The following NOP53 variants were observed in gnomAD, a reference collection of about 807,000 sequenced individuals.
The protein encoded by NOP53 is ribosome biogenesis protein NOP53.
A neutral mutation model predicts 61.0 loss-of-function variants in NOP53; 40 were observed. That is an observed-to-expected ratio of 0.66 (90% CI 0.51 to 0.85). The LOEUF (loss-of-function observed/expected upper bound fraction) is 0.85, where lower values mean the gene tolerates loss of function less well. NOP53 is among the 40% of genes least tolerant of loss of function. NOP53 has a pLI of 0.00. For missense variants in NOP53, 689 were observed against 652.9 expected (o/e 1.06, Z -0.60); for synonymous variants, 308 against 289.5 (o/e 1.06, Z -0.65).
chr19:47,756,973 C>T lies in NOP53; in HGVS notation c.1431-26C>T, dbSNP rs1433734558. 3.7e-6 allele frequency: 6 copies of T among 1,614,008 alleles called. No individual in the cohort carries two copies. The South Asian group carries it at 4.4e-5, about 12-fold the overall frequency. On this transcript the variant is annotated intron_variant, in intron 12 of 12. Coordinates refer to ENST00000246802, the MANE Select transcript of NOP53 (RefSeq NM_015710.5). ...GGGTATGGGGCACCCTCTCACCCAC[C>T]CTCAGCTCCTTTCCTCTGTCCCCAG...
In NOP53 at chr19:47,756,695, C is replaced by A. The variant is rs764039740; in HGVS notation, c.1381C>A (p.Arg461Ser). The change falls in exon 12 of 13, where the codon CGC (arginine) becomes AGC (serine). Residue 461 changes from arginine to serine, a missense_variant. Coordinates refer to ENST00000246802, the MANE Select transcript of NOP53 (RefSeq NM_015710.5). ...CCATTGTCCCTGCTCCAGGTTCAAA[C>A]GCAAGTACAAGGTGAAGCTGGTGGA... ...IEPRERAKFKRKYKVKLVEKR... is the reference protein window; with the variant it reads ...IEPRERAKFKSKYKVKLVEKR... 1 of 1,613,912 alleles carries A rather than the reference C, an allele frequency of 6.2e-7. No individual in the cohort carries two copies. Among genetic ancestry groups the A allele is most frequent in the Non-Finnish European group, 8.5e-7 (1 of 1,180,006 alleles).
intron 2 of NOP53, among the ~76,000 whole-genome samples, chr19:47,748,386 A>G (rs926117921): frequency 6.6e-6 from 1 of 152,098 alleles, no homozygotes; most frequent in African/African-American, 2.4e-5. Flanking sequence ...GTTTACTTCA[A>G]TATGTAGAAA....
In NOP53 at chr19:47,755,374, C is replaced by G. The variant is rs766255126; in HGVS notation, c.1080C>G (p.Ala360=). The G allele has an allele frequency of 2.0e-6, 3 of 1,520,324 alleles. No individual in the cohort carries two copies. Among genetic ancestry groups the G allele is most frequent in the Non-Finnish European group, 2.6e-6 (3 of 1,140,184 alleles). The allele number at this position is 1,520,324 out of a possible 1,614,324, so 94.2% of individuals were successfully genotyped here. A position where few individuals can be genotyped will look rare whatever the true frequency, so the allele number is the denominator to read the frequency against. Residue 360 remains alanine (A), a synonymous_variant, in exon 9 of 13, where the codon GCC becomes GCG. Transcript: ENST00000246802. Reference sequence around the variant, plus strand: ...GGGTACAGCAGGCCGCGTTGCGGGCCGCCCGGCTCCGGCACCAGGAGCTGT... The same window carrying G: ...GGGTACAGCAGGCCGCGTTGCGGGCGGCCCGGCTCCGGCACCAGGAGCTGT... The part of the protein sequence containing the change: ...RLRVQQAALR[A]ARLRHQELFR...
Position 47,756,339 on chromosome 19 carries a change from G to A in NOP53, c.1297-189G>A, listed in dbSNP as rs192740060. ...ACTCCTCTAAGCCCAGCTTAGAGATGGCCATAGGTTGGTGGCTGTCATCCC... is the reference window on the plus strand; with the variant it reads ...ACTCCTCTAAGCCCAGCTTAGAGATAGCCATAGGTTGGTGGCTGTCATCCC... On this transcript the variant is annotated intron_variant, in intron 10 of 12. Coordinates refer to ENST00000246802, the MANE Select transcript of NOP53 (RefSeq NM_015710.5). 8.2e-5 allele frequency: 49 copies of A among 597,918 alleles called. No homozygotes were observed. The African/African-American group carries it at 8.3e-4, about 10-fold the overall frequency. The allele number at this position is 597,918 out of a possible 1,614,324, so 37.0% of individuals were successfully genotyped here.
intron 9 of NOP53, 36 bp from the exon 10 acceptor site, chr19:47,755,720 G>A: frequency 6.4e-7 from 1 of 1,574,218 alleles, no homozygotes; most frequent in Non-Finnish European, 8.7e-7. Flanking sequence ...GGGCCCCGCG[G>A]GGGTGATATT....
chr19:47,751,232 A>G (rs976462804), intron 4 of NOP53, 125 bp downstream of exon 4: 8 of 918,656 alleles, frequency 8.7e-6, no homozygotes, highest in Admixed American at 2.4e-5. Context: ...GTGACCTCCC[A>G]GCAGAGTCGT....
chr19:47,754,986 G>C lies in NOP53; in HGVS notation c.1053+95G>C. 8.5e-7 allele frequency: 1 copy of C among 1,180,374 alleles called. No individual in the cohort carries two copies. The highest frequency in any genetic ancestry group is 1.1e-6 in the Non-Finnish European group (1 of 871,048). 73.1% of individuals were successfully genotyped at this position (1,180,374 alleles called of 1,614,324 possible). A position where few individuals can be genotyped will look rare whatever the true frequency, so the allele number is the denominator to read the frequency against. On this transcript the variant is annotated intron_variant, in intron 8 of 12. Transcript: ENST00000246802. This position sits in a 1 kb window ranked among gnomAD's most constrained non-coding sequence, Gnocchi z 4.2. ...CTGCCCTGGGTGCTGCGGGCAGCCTGCACACCCCAAGCCCCGCATGTGGCC... is the reference window on the plus strand; with the variant it reads ...CTGCCCTGGGTGCTGCGGGCAGCCTCCACACCCCAAGCCCCGCATGTGGCC...
At chr19:47,756,791 C>T (rs1967206781) in intron 12 of NOP53, 47 bp downstream of exon 12, 3 of 1,590,588 alleles carry the variant, frequency 1.9e-6, no homozygotes, top group Non-Finnish European at 2.6e-6. Context: ...CTTCTCCCAC[C>T]CCGTGGTGCC....
At chr19:47,745,861 GT>G (rs1189999886) in intron 1 of NOP53, 78 bp downstream of exon 1, 1 of 38,460 alleles carries the variant, frequency 2.6e-5, no homozygotes, top group African/African-American at 8.1e-4. Context: ...GCGTGGACTC[GT>G]CGGGGGTCGG....
At chr19:47,752,823 G>T (rs886375713) in intron 6 of NOP53, 1 of 532,624 alleles carries the variant, frequency 1.9e-6, no homozygotes, top group Admixed American at 3.1e-5. Flanking sequence ...GGCCCAGCCT[G>T]GGGGGTCAGG....
At chr19:47,746,794 C>T (rs576227985) in intron 1 of NOP53, 173 bp from the exon 2 acceptor site, 12 of 560,334 alleles carry the variant, frequency 2.1e-5, no homozygotes, top group Middle Eastern at 3.7e-4. Context: ...TGAGCCACTG[C>T]GCCTGGCAGT....
chr19:47,754,658 C>A lies in NOP53; in HGVS notation c.870+27C>A. On this transcript the variant is annotated intron_variant, in intron 7 of 12. Transcript: ENST00000246802. This position sits in a 1 kb window ranked among gnomAD's most constrained non-coding sequence, Gnocchi z 4.2. ...TGAGCCCCGCACCTGCCCACTCCCT[C>A]CCCTCCCCGGGCCTCCTACCCACCC... 2.6e-6 allele frequency: 4 copies of A among 1,542,350 alleles called. No individual in the cohort carries two copies. The highest frequency in any genetic ancestry group is 3.5e-6 in the Non-Finnish European group (4 of 1,141,336).
intron 1 of NOP53, 159 bp downstream of exon 1, chr19:47,745,942 G>A: frequency 1.7e-6 from 1 of 589,652 alleles, no homozygotes; most frequent in Non-Finnish European, 3.0e-6. Flanking sequence ...ATGGGCAGGG[G>A]ACTCAGCATG....
chr19:47,750,355 G>A, intron 3 of NOP53, 69 bp downstream of exon 3: 1 of 965,658 alleles, frequency 1.0e-6, no homozygotes, highest in Non-Finnish European at 1.7e-6. Context: ...TTCCGGGGCT[G>A]GGGGCTGGTA....
rs753042864 is a variant in NOP53, at chr19:47,752,550, C to T, written c.708C>T (p.Pro236=). ...ARLHTKPSQA[P]AVEVAPAGAS... ...TGCACACCAAGCCGTCCCAGGCACC[C>T]GCCGTGGAGGTGGCGCCTGCCGGAG... is the stretch of plus-strand genomic sequence containing the variant. The change falls in exon 6 of 13, where the codon CCC becomes CCT. Residue 236 remains proline, a synonymous_variant. Coordinates refer to ENST00000246802, the MANE Select transcript of NOP53 (RefSeq NM_015710.5). 7.5e-5 allele frequency: 120 copies of T among 1,610,418 alleles called. No homozygotes were observed. The highest frequency in any genetic ancestry group is 1.1e-4 in the East Asian group (5 of 44,870).
intron 3 of NOP53, among the ~76,000 whole-genome samples, chr19:47,750,488 T>TG (rs906856408): frequency 2.0e-5 from 3 of 151,796 alleles, no homozygotes; most frequent in East Asian, 1.9e-4. Flanking sequence ...TGGACCCAGC[T>TG]GGGGGCTTCG....
Position 47,751,533 on chromosome 19 carries a change from G to A in NOP53, c.612G>A (p.Arg204=), listed in dbSNP as rs779067725. ...DLWASDNPLD[R]PLVGQDEFFL... Reference sequence around the variant, plus strand: ...CTGTATCCACAGACCCCCTGGACAGGCCGTTGGTTGGCCAGGATGAGTTTT... The same window carrying A: ...CTGTATCCACAGACCCCCTGGACAGACCGTTGGTTGGCCAGGATGAGTTTT... Residue 204 remains arginine (R), a synonymous_variant, in exon 5 of 13, where the codon AGG becomes AGA. Transcript: ENST00000246802. 6.2e-7 allele frequency: 1 copy of A among 1,613,926 alleles called. No homozygotes were observed. Among genetic ancestry groups the A allele is most frequent in the Non-Finnish European group, 8.5e-7 (1 of 1,179,872 alleles).
intron 2 of NOP53, 31 bp downstream of exon 2, chr19:47,747,062 C>T (rs1241552611): frequency 4.5e-6 from 7 of 1,561,928 alleles, no homozygotes; most frequent in Non-Finnish European, 5.3e-6. Flanking sequence ...TGTGGAATGG[C>T]GGTTATTCAT....
chr19:47,747,063 G>C (rs2334293), intron 2 of NOP53, 32 bp downstream of exon 2: 1,047,751 of 1,553,374 alleles, frequency 0.67, 361,108 homozygotes, highest in South Asian at 0.73. Flanking sequence ...GTGGAATGGC[G>C]GTTATTCATT....
Sources: gnomAD v4.1 joint callset for allele counts (sites outside exome capture counted in the v4.1 genomes callset) on GRCh38, gnomAD v4.1.1 for gene constraint, Gnocchi (gnomAD v3.1) non-coding constraint, MANE v1.5 for transcripts, NCBI Gene and HGNC (gene_info 2026-07-23, HGNC 2026-07-21) for gene names.